RBFOX1: variants seen among roughly 807,000 people sequenced by gnomAD.
The protein encoded by RBFOX1 is RNA binding protein fox-1 homolog 1.
Under a neutral mutation model 57.7 loss-of-function variants are expected in RBFOX1, and 8 were observed. The observed-to-expected ratio is 0.14, with a 90% CI of 0.08 to 0.25. RBFOX1 has a LOEUF of 0.25. Ranked by LOEUF, RBFOX1 falls within the 10% of genes least tolerant of loss-of-function variation. The pLI is 1.00. For synonymous variants in RBFOX1, 326 were observed against 222.4 expected, an observed-to-expected ratio of 1.47 and a Z score of -4.15; for missense variants, 611 against 548.5, an observed-to-expected ratio of 1.11 and a Z score of -1.14.
At chr16:7,392,470 C>T (rs2098049221) in intron 4 of RBFOX1, among the ~76,000 whole-genome samples, 1 of 152,140 alleles carries the variant, frequency 6.6e-6, no homozygotes, top group Non-Finnish European at 1.5e-5. Flanking sequence ...AATTGTAAAA[C>T]CCAGGCACTC....
intron 3 of RBFOX1, among the ~76,000 whole-genome samples, chr16:5,851,671 A>C (rs140123891): frequency 7.9e-5 from 12 of 152,348 alleles, no homozygotes; most frequent in African/African-American, 2.6e-4. Context: ...TCTCTGTGCT[A>C]TCAAAGGTTC....
At chr16:6,991,309 G>A (rs186486628) in intron 3 of RBFOX1, among the ~76,000 whole-genome samples, 1 of 152,074 alleles carries the variant, frequency 6.6e-6, no homozygotes, top group Admixed American at 6.6e-5. Flanking sequence ...CAAAACAAAA[G>A]TTGGCTATTT....
intron 1 of RBFOX1, among the ~76,000 whole-genome samples, chr16:6,124,322 G>A (rs992565908): frequency 7.9e-5 from 12 of 152,130 alleles, no homozygotes; most frequent in Non-Finnish European, 1.3e-4. Context: ...TATAGCCCCA[G>A]CGTGAAAGTT....
At chr16:6,143,343 A>G (rs2096733327) in intron 1 of RBFOX1, among the ~76,000 whole-genome samples, 1 of 152,212 alleles carries the variant, frequency 6.6e-6, no homozygotes, top group African/African-American at 2.4e-5. Flanking sequence ...CCAGATGAGA[A>G]GTGCTTTATC....
intron 3 of RBFOX1, among the ~76,000 whole-genome samples, chr16:7,007,817 C>G (rs570686237): frequency 1.3e-5 from 2 of 152,282 alleles, no homozygotes; most frequent in Admixed American, 6.5e-5. Context: ...CCTGCACGCT[C>G]CTGTGCGTTT....
chr16:6,460,168 G>A (rs575957047), intron 2 of RBFOX1, among the ~76,000 whole-genome samples: 118 of 152,106 alleles, frequency 7.8e-4, no homozygotes, highest in Non-Finnish European at 1.2e-3. Flanking sequence ...TCTGGAGGCT[G>A]GACATCCAAG....
intron 4 of RBFOX1, among the ~76,000 whole-genome samples, chr16:7,321,071 C>CTATATGTATACA (rs1306024790): frequency 6.0e-4 from 44 of 72,942 alleles, no homozygotes; most frequent in African/African-American, 1.1e-3. Context: ...ATCTGTCTAT[C>CTATATGTATACA]TATACGTATA....
At chr16:6,636,861 T>C (rs1191330337) in intron 2 of RBFOX1, among the ~76,000 whole-genome samples, 3 of 111,172 alleles carry the variant, frequency 2.7e-5, no homozygotes, top group Admixed American at 1.0e-4. Context: ...TAATATATAA[T>C]ATATATTATA....
intron 3 of RBFOX1, among the ~76,000 whole-genome samples, chr16:6,926,870 C>A (rs1253009320): frequency 1.3e-5 from 2 of 152,056 alleles, no homozygotes; most frequent in African/African-American, 2.4e-5. Context: ...TTTTATTTTT[C>A]ACTTAGAACC....
intron 3 of RBFOX1, among the ~76,000 whole-genome samples, chr16:6,743,988 C>G (rs1283369497): frequency 6.6e-6 from 1 of 151,604 alleles, no homozygotes; most frequent in Admixed American, 6.6e-5. Flanking sequence ...ATATATAAAG[C>G]AAGTGGTGTG....
At chr16:7,425,991 G>A (rs2098606892) in intron 4 of RBFOX1, among the ~76,000 whole-genome samples, 3 of 152,210 alleles carry the variant, frequency 2.0e-5, no homozygotes, top group Non-Finnish European at 4.4e-5. Context: ...ATACACATTG[G>A]TGTTCATTTG....
At chr16:7,354,329 A>G (rs189896025) in intron 4 of RBFOX1, among the ~76,000 whole-genome samples, 18 of 152,338 alleles carry the variant, frequency 1.2e-4, no homozygotes, top group Admixed American at 5.2e-4. Flanking sequence ...TTCAAAAAAT[A>G]TGTTGAAAAC....
chr16:7,355,529 C>G (rs1464375295), intron 4 of RBFOX1, among the ~76,000 whole-genome samples: 1 of 152,106 alleles, frequency 6.6e-6, no homozygotes, highest in African/African-American at 2.4e-5. Flanking sequence ...ACACCATGCA[C>G]GTGTGTTAAG....
At position 5,616,670 on chromosome 16, in the gene RBFOX1, C is replaced by T. The variant is rs1461696710; in HGVS notation, c.318+17709C>T. On this transcript the variant is annotated intron_variant, in intron 3 of 19. Coordinates refer to the RBFOX1 transcript ENST00000641259. ...TCCTCCTCTGCTTCCTCCCCCTCAT[C>T]CTCCCCTTTATCTTCCGCCCCCTGA... is the stretch of plus-strand genomic sequence containing the variant. 4.0e-5 allele frequency among the ~76,000 whole-genome samples: 4 copies of T among 99,118 alleles called. No individual in the cohort carries two copies. The East Asian group carries it at 7.2e-4, about 18-fold the overall frequency. 65.0% of individuals were successfully genotyped at this position (99,118 alleles called of 152,430 possible).
At chr16:5,512,523 T>A (rs2043637532) in intron 2 of RBFOX1, among the ~76,000 whole-genome samples, 1 of 152,170 alleles carries the variant, frequency 6.6e-6, no homozygotes, top group Non-Finnish European at 1.5e-5. Context: ...ATCACAATCA[T>A]GGATTAGAAT....
At chr16:7,649,802 G>A (rs1454347854) in intron 11 of RBFOX1, among the ~76,000 whole-genome samples, 8 of 152,174 alleles carry the variant, frequency 5.3e-5, no homozygotes. Context: ...GCACCAGTAA[G>A]CGTCCTTCTC....
At chr16:6,028,695 A>G (rs1231389531) in intron 1 of RBFOX1, among the ~76,000 whole-genome samples, 1 of 151,994 alleles carries the variant, frequency 6.6e-6, no homozygotes, top group Non-Finnish European at 1.5e-5. Flanking sequence ...AAAAAAGAAC[A>G]TGAAGCTCTT....
At chr16:6,451,634 A>T (rs558267985) in intron 2 of RBFOX1, among the ~76,000 whole-genome samples, 1 of 152,174 alleles carries the variant, frequency 6.6e-6, no homozygotes, top group Non-Finnish European at 1.5e-5. Flanking sequence ...TCATCTTTCG[A>T]GACTCAGCTC....
At chr16:5,387,395 G>A (rs1670891506) in intron 1 of RBFOX1, among the ~76,000 whole-genome samples, 1 of 152,206 alleles carries the variant, frequency 6.6e-6, no homozygotes, top group South Asian at 2.1e-4. Context: ...TGGTGACTCT[G>A]TAAAGTCATC....
Sources: gnomAD v4.1 joint callset for allele counts (sites outside exome capture counted in the v4.1 genomes callset) on GRCh38, gnomAD v4.1.1 for gene constraint, MANE v1.5 for transcripts, NCBI Gene and HGNC (gene_info 2026-07-23, HGNC 2026-07-21) for gene names.